GPHN: variants seen among roughly 807,000 people sequenced by gnomAD.
GPHN encodes gephyrin.
A neutral mutation model predicts 95.5 loss-of-function variants in GPHN; 17 were observed. That is an observed-to-expected ratio of 0.18 (90% CI 0.12 to 0.27). GPHN has a LOEUF of 0.27. Among genes scored for constraint, GPHN ranks in the 10% least tolerant of loss-of-function variants. The pLI is 1.00. For missense variants in GPHN, 660 were observed against 978.1 expected (o/e 0.67, Z 4.34); for synonymous variants, 320 against 322.5 (o/e 0.99, Z 0.08).
chr14:66,824,059 C>G (rs527862153), intron 3 of GPHN, among the ~76,000 whole-genome samples: 80 of 152,188 alleles, frequency 5.3e-4, no homozygotes, highest in African/African-American at 1.7e-3. Flanking sequence ...CTTCAGTTGT[C>G]TCTTTAGAAA....
At chr14:66,547,980 A>G (rs912738652) in intron 1 of GPHN, among the ~76,000 whole-genome samples, 34 of 152,136 alleles carry the variant, frequency 2.2e-4, no homozygotes, top group Admixed American at 2.1e-3. Context: ...CCTCATGGAT[A>G]TTGCATTTTT....
the GPHN span, among the ~76,000 whole-genome samples, chr14:67,530,837 G>A: frequency 6.6e-6 from 1 of 152,130 alleles, no homozygotes; most frequent in South Asian, 2.1e-4. Context: ...ATGTATATTT[G>A]GCAGAATTTG....
intron 2 of GPHN, among the ~76,000 whole-genome samples, chr14:66,728,487 C>T (rs779528995): frequency 5.3e-5 from 8 of 152,238 alleles, no homozygotes; most frequent in Non-Finnish European, 7.3e-5. Flanking sequence ...TGCAAAGCCA[C>T]AGGGTCGGAG....
At chr14:66,822,549 T>C (rs1228371422) in intron 3 of GPHN, among the ~76,000 whole-genome samples, 1 of 152,236 alleles carries the variant, frequency 6.6e-6, no homozygotes. Context: ...TTTTTAACTT[T>C]TAACACTTAA....
the GPHN span, among the ~76,000 whole-genome samples, chr14:67,212,272 GA>G: frequency 4.6e-5 from 7 of 151,820 alleles, no homozygotes; most frequent in Admixed American, 2.0e-4. Flanking sequence ...GTAGATTAAA[GA>G]AAAAAATGTA....
At chr14:66,867,787 AC>A in intron 4 of GPHN, among the ~76,000 whole-genome samples, 1 of 152,338 alleles carries the variant, frequency 6.6e-6, no homozygotes, top group Middle Eastern at 3.4e-3. Context: ...ACAAAGTTGA[AC>A]ATAAAGTGAT....
chr14:66,900,990 A>G (rs2065102348), intron 5 of GPHN, among the ~76,000 whole-genome samples: 1 of 151,966 alleles, frequency 6.6e-6, no homozygotes, highest in Admixed American at 6.6e-5. Context: ...GGCTCTACTA[A>G]TTTACATTTC....
chr14:67,203,530 A>G, the GPHN span, among the ~76,000 whole-genome samples: 1 of 152,238 alleles, frequency 6.6e-6, no homozygotes, highest in Non-Finnish European at 1.5e-5. Flanking sequence ...CTGAAGACTC[A>G]TAATAAACTA....
chr14:67,636,272 A>C, the GPHN span, among the ~76,000 whole-genome samples: 14 of 151,816 alleles, frequency 9.2e-5, no homozygotes, highest in African/African-American at 2.7e-4. Flanking sequence ...AAAAAAAAAA[A>C]CCCAAAAAAC....
chr14:66,675,146 GT>G lies in GPHN; in HGVS notation c.65-5945del, dbSNP rs60014934. Reference sequence around the variant, plus strand: ...GATGTCTATTCAGATTCTTTTTCCAGTTTTTTTTTTTTTTTTGACGGAGTTT... The same window carrying G: ...GATGTCTATTCAGATTCTTTTTCCAGTTTTTTTTTTTTTTTGACGGAGTTT... On this transcript the variant is annotated intron_variant, in intron 1 of 22. Transcript: ENST00000478722. Among the ~76,000 whole-genome samples the G allele has an allele frequency of 4.6e-3, 622 of 135,402 alleles. 2 individuals are homozygous for G. The highest frequency in any genetic ancestry group is 0.015 in the Middle Eastern group (4 of 264). 88.8% of individuals were successfully genotyped at this position (135,402 alleles called of 152,430 possible). A position where few individuals can be genotyped will look rare whatever the true frequency, so the allele number is the denominator to read the frequency against.
the GPHN span, among the ~76,000 whole-genome samples, chr14:67,281,193 G>A: frequency 2.2e-4 from 34 of 151,650 alleles, 2 homozygotes; most frequent in African/African-American, 6.5e-4. Context: ...CACTGTGCCC[G>A]TCTCAAGTCT....
the GPHN span, chr14:67,333,653 C>T: frequency 6.6e-6 from 1 of 152,544 alleles, no homozygotes; most frequent in Non-Finnish European, 1.5e-5. Context: ...TAAAGGTATA[C>T]AAAATATGCT....
the GPHN span, chr14:67,569,112 G>A: frequency 1.3e-6 from 2 of 1,557,388 alleles, no homozygotes; most frequent in East Asian, 2.2e-5. Context: ...GCCGGGCCCT[G>A]AGCTTCCTGA....
chr14:66,688,033 C>T (rs1444920692), intron 2 of GPHN, among the ~76,000 whole-genome samples: 1 of 152,178 alleles, frequency 6.6e-6, no homozygotes, highest in Non-Finnish European at 1.5e-5. Flanking sequence ...TAATAAGCTA[C>T]TGTTGACTGG....
chr14:66,521,870 TA>T (rs2058497067), intron 1 of GPHN, among the ~76,000 whole-genome samples: 2 of 152,128 alleles, frequency 1.3e-5, no homozygotes, highest in Admixed American at 1.3e-4. Context: ...TTTCTGTCAC[TA>T]AAAGGGGAAA....
intron 12 of GPHN, among the ~76,000 whole-genome samples, chr14:67,096,579 G>A (rs1019025148): frequency 6.6e-6 from 1 of 150,824 alleles, no homozygotes; most frequent in African/African-American, 2.4e-5. Context: ...ACAGAATAAT[G>A]ACATAATCTA....
At chr14:67,618,361 G>A in the GPHN span, among the ~76,000 whole-genome samples, 1 of 152,044 alleles carries the variant, frequency 6.6e-6, no homozygotes, top group Non-Finnish European at 1.5e-5. Flanking sequence ...GAAGCAAGAA[G>A]TTTCTTGCTG....
chr14:67,379,798 GCGC>G, the GPHN span, among the ~76,000 whole-genome samples: 2 of 148,882 alleles, frequency 1.3e-5, no homozygotes, highest in Non-Finnish European at 3.0e-5. Flanking sequence ...GGGACTACAG[GCGC>G]CCGCCACTAC....
intron 1 of GPHN, among the ~76,000 whole-genome samples, chr14:66,575,948 G>A (rs1261467165): frequency 6.6e-6 from 1 of 152,186 alleles, no homozygotes. Context: ...AGTGGGCCTG[G>A]GTTTTTGATC....
Sources: gnomAD v4.1 joint callset for allele counts (sites outside exome capture counted in the v4.1 genomes callset) on GRCh38, gnomAD v4.1.1 for gene constraint, MANE v1.5 for transcripts, NCBI Gene and HGNC (gene_info 2026-07-23, HGNC 2026-07-21) for gene names.